The following CRPPA variants were observed in gnomAD, a reference collection of about 807,000 sequenced individuals.
The protein encoded by CRPPA is CDP-L-ribitol pyrophosphorylase A.
Under a neutral mutation model 52.0 loss-of-function variants are expected in CRPPA, and 43 were observed. The ratio of observed to expected loss-of-function variants is 0.83; its 90% CI spans 0.65 to 1.07. The LOEUF (loss-of-function observed/expected upper bound fraction) is 1.07, where lower values mean the gene tolerates loss of function less well. CRPPA is among the 50% of genes least tolerant of loss of function. The pLI, the probability that CRPPA is intolerant of heterozygous loss-of-function variation, is 0.00. For missense variants in CRPPA, 629 were observed against 551.7 expected (o/e 1.14, Z -1.40); for synonymous variants, 250 against 203.5 (o/e 1.23, Z -1.94).
chr7:16,203,654 T>C (rs1781907238), intron 9 of CRPPA, among the ~76,000 whole-genome samples: 1 of 152,150 alleles, frequency 6.6e-6, no homozygotes, highest in Admixed American at 6.6e-5. Flanking sequence ...ATTGCCCTTT[T>C]ACCATCTGGG....
chr7:16,350,521 T>A (rs1042510251), intron 3 of CRPPA, among the ~76,000 whole-genome samples: 4 of 152,094 alleles, frequency 2.6e-5, no homozygotes, highest in African/African-American at 7.2e-5. Flanking sequence ...GTAGTTTGGG[T>A]ATGCAATCAA....
intron 3 of CRPPA, among the ~76,000 whole-genome samples, chr7:16,367,062 T>C (rs989873218): frequency 2.6e-5 from 4 of 152,204 alleles, no homozygotes; most frequent in South Asian, 2.1e-4. Context: ...CATCTTTAAA[T>C]CCCTACTCAT....
chr7:16,279,875 G>C (rs1196928914), intron 5 of CRPPA, among the ~76,000 whole-genome samples: 1 of 152,158 alleles, frequency 6.6e-6, no homozygotes, highest in Non-Finnish European at 1.5e-5. Flanking sequence ...CCAGAGACTG[G>C]GCAATTTACA....
intron 9 of CRPPA, among the ~76,000 whole-genome samples, chr7:16,170,191 C>T (rs532430530): frequency 9.9e-5 from 15 of 151,840 alleles, no homozygotes; most frequent in Admixed American, 6.6e-4. Context: ...TGTTATTTGC[C>T]CATATTCTTC....
intron 3 of CRPPA, among the ~76,000 whole-genome samples, chr7:16,364,460 A>C (rs986028280): frequency 6.6e-6 from 1 of 152,196 alleles, no homozygotes; most frequent in South Asian, 2.1e-4. Context: ...TCCATTTTCT[A>C]TGAGTCCTGA....
chr7:16,113,232 G>C (rs896091716), intron 9 of CRPPA, among the ~76,000 whole-genome samples: 1 of 151,888 alleles, frequency 6.6e-6, no homozygotes, highest in African/African-American at 2.4e-5. Context: ...TTCAGTTGCA[G>C]AGAGAATTAC....
chr7:16,239,997 G>T (rs76115993), intron 8 of CRPPA, among the ~76,000 whole-genome samples: 2 of 152,010 alleles, frequency 1.3e-5, no homozygotes, highest in East Asian at 3.9e-4. Context: ...TATGCCCTAT[G>T]AGAATCATTT....
At chr7:16,402,323 G>T (rs1031429620) in intron 2 of CRPPA, among the ~76,000 whole-genome samples, 1 of 152,166 alleles carries the variant, frequency 6.6e-6, no homozygotes, top group Non-Finnish European at 1.5e-5. Flanking sequence ...ATGTAAAGTT[G>T]TTCCAAGTTA....
chr7:16,114,023 A>T (rs1289768978), intron 9 of CRPPA, among the ~76,000 whole-genome samples: 2 of 152,066 alleles, frequency 1.3e-5, no homozygotes, highest in African/African-American at 4.8e-5. Flanking sequence ...ACAGTAGCAT[A>T]AAAGTTAGGA....
chr7:16,159,345 T>G (rs1783253853), intron 9 of CRPPA, among the ~76,000 whole-genome samples: 2 of 152,138 alleles, frequency 1.3e-5, no homozygotes, highest in Admixed American at 1.3e-4. Flanking sequence ...TAAGGAACGC[T>G]TGTTTGTTAT....
chr7:16,184,369 C>G (rs1301059788), intron 9 of CRPPA, among the ~76,000 whole-genome samples: 1 of 152,096 alleles, frequency 6.6e-6, no homozygotes, highest in African/African-American at 2.4e-5. Context: ...ATATAAAATA[C>G]TCTCATACTG....
intron 8 of CRPPA, among the ~76,000 whole-genome samples, chr7:16,234,565 T>C (rs1012221785): frequency 6.6e-6 from 1 of 152,152 alleles, no homozygotes; most frequent in Non-Finnish European, 1.5e-5. Flanking sequence ...TCACAACTAC[T>C]ATTATTCTCC....
chr7:16,143,361 A>G (rs2128376454), intron 9 of CRPPA, among the ~76,000 whole-genome samples: 1 of 152,318 alleles, frequency 6.6e-6, no homozygotes, highest in Admixed American at 6.5e-5. Context: ...AACAATGTCA[A>G]TATTAAAGTC....
chr7:16,265,675 C>G (rs145791928), intron 6 of CRPPA, among the ~76,000 whole-genome samples: 25 of 151,680 alleles, frequency 1.6e-4, no homozygotes, highest in African/African-American at 5.9e-4. Flanking sequence ...TTCTTAACTT[C>G]CACTTTTAGA....
chr7:16,297,374 CAA>C (rs1784695748), intron 5 of CRPPA, among the ~76,000 whole-genome samples: 1 of 152,000 alleles, frequency 6.6e-6, no homozygotes, highest in Admixed American at 6.6e-5. Context: ...AGGAAAAAAA[CAA>C]TGATATAGTG....
chr7:16,110,576 G>A (rs1782240391), intron 9 of CRPPA, among the ~76,000 whole-genome samples: 2 of 151,912 alleles, frequency 1.3e-5, no homozygotes, highest in African/African-American at 4.8e-5. Flanking sequence ...AAGAGGGAGA[G>A]AGAGACATAC....
rs190644117 is a variant in CRPPA, at chr7:16,155,106, C to T, written c.1251+60960G>A. Among the ~76,000 whole-genome samples the T allele has an allele frequency of 8.7e-4, 132 of 151,966 alleles. 1 individual carries two copies. Among genetic ancestry groups the T allele is most frequent in the Middle Eastern group, 3.4e-3 (1 of 294 alleles). ...ATGCTGGGATGAGCCAGGGGTTAGC[C>T]GCCACCCCAGGCCTCAAAATGAGTC... is the stretch of plus-strand genomic sequence containing the variant. On this transcript the variant is annotated intron_variant, in intron 9 of 9. Coordinates refer to ENST00000407010, the MANE Select transcript of CRPPA (RefSeq NM_001101426.4).
chr7:16,161,430 T>C (rs550895392), intron 9 of CRPPA, among the ~76,000 whole-genome samples: 37 of 152,352 alleles, frequency 2.4e-4, no homozygotes, highest in Middle Eastern at 6.8e-3. Flanking sequence ...TTTCTGCATC[T>C]ATTGACATAA....
At chr7:16,183,198 G>C (rs944483004) in intron 9 of CRPPA, among the ~76,000 whole-genome samples, 2 of 152,136 alleles carry the variant, frequency 1.3e-5, no homozygotes, top group Non-Finnish European at 2.9e-5. Flanking sequence ...TGCCAGCAAA[G>C]GAGTAAATGA....
Sources: gnomAD v4.1 joint callset for allele counts (sites outside exome capture counted in the v4.1 genomes callset) on GRCh38, gnomAD v4.1.1 for gene constraint, MANE v1.5 for transcripts, NCBI Gene and HGNC (gene_info 2026-07-23, HGNC 2026-07-21) for gene names.